MBD2: variants seen among roughly 807,000 people sequenced by gnomAD.
MBD2 encodes the protein methyl-CpG-binding domain protein 2.
Under a neutral mutation model 39.3 loss-of-function variants are expected in MBD2, and 9 were observed. The observed-to-expected ratio is 0.23, with a 90% CI of 0.14 to 0.40. The LOEUF (loss-of-function observed/expected upper bound fraction) is 0.40. Among genes scored for constraint, MBD2 ranks in the 10% least tolerant of loss-of-function variants. The pLI is 1.00. For synonymous variants in MBD2, 233 were observed against 211.1 expected (o/e 1.10, Z -0.90); for missense variants, 458 against 532.6 (o/e 0.86, Z 1.38).
chr18:54,164,741 A>G, intron 4 of MBD2, 41 bp from the exon 5 acceptor site: 1 of 1,539,002 alleles, frequency 6.5e-7, no homozygotes, highest in Non-Finnish European at 9.0e-7. Flanking sequence ...AAATGTCTCA[A>G]TGTGCTGAGC....
chr18:54,195,729 C>A (rs528449419), intron 2 of MBD2, among the ~76,000 whole-genome samples: 1 of 151,950 alleles, frequency 6.6e-6, no homozygotes, highest in East Asian at 1.9e-4. Flanking sequence ...AAGAAAAAAA[C>A]CAGCGCTTAG....
intron 1 of MBD2, among the ~76,000 whole-genome samples, chr18:54,223,231 C>T (rs2086630183): frequency 6.6e-6 from 1 of 152,230 alleles, no homozygotes. Context: ...TGCAAGATTA[C>T]ACTAAGGTGA....
At chr18:54,205,610 AAAGTTAAAGTTTTAC>A (rs2086443452) in intron 1 of MBD2, among the ~76,000 whole-genome samples, 1 of 151,308 alleles carries the variant, frequency 6.6e-6, no homozygotes, top group African/African-American at 2.4e-5. Context: ...AAAAAAAAAA[AAAGTTAAAGTTTTAC>A]AGGGAACTCC....
At chr18:54,180,628 GATAATT>G in intron 3 of MBD2, among the ~76,000 whole-genome samples, 1 of 151,996 alleles carries the variant, frequency 6.6e-6, no homozygotes, top group Middle Eastern at 3.4e-3. Flanking sequence ...GAAATATGAA[GATAATT>G]ATAAAGAGAT....
At chr18:54,165,041 T>C (rs1473224899) in intron 4 of MBD2, among the ~76,000 whole-genome samples, 6 of 152,228 alleles carry the variant, frequency 3.9e-5, no homozygotes, top group Non-Finnish European at 8.8e-5. Context: ...GTTGGCTATA[T>C]TTCCTCAAGC....
rs1211071727 is a variant in MBD2 at position 54,180,897 on chromosome 18, C to CTTT, written c.840+7974_840+7976dup. On this transcript the variant is annotated intron_variant, in intron 3 of 6. Transcript: ENST00000256429. Reference sequence around the variant, plus strand: ...CAGCCTATGTATTCCTTAATTTTTTCTTTTTCTTTTTTTTTTTTTTTTTTT... The same window carrying CTTT: ...CAGCCTATGTATTCCTTAATTTTTTCTTTTTTTTCTTTTTTTTTTTTTTTTTTT... Among the ~76,000 whole-genome samples the CTTT allele has an allele frequency of 1.6e-3, 164 of 105,336 alleles. 10 individuals are homozygous for CTTT. Among genetic ancestry groups the CTTT allele is most frequent in the East Asian group, 1.8e-3 (6 of 3,280 alleles). The allele number at this position is 105,336 out of a possible 152,430, so 69.1% of individuals were successfully genotyped here.
chr18:54,215,335 T>C (rs769691593), intron 1 of MBD2, among the ~76,000 whole-genome samples: 1 of 152,210 alleles, frequency 6.6e-6, no homozygotes, highest in Non-Finnish European at 1.5e-5. Context: ...ACATGTTTTT[T>C]GTATGTTCAC....
In MBD2 at chr18:54,165,770, G is replaced by A. The variant is rs16957881; in HGVS notation, c.931+306C>T. On this transcript the variant is annotated intron_variant, in intron 4 of 6. Transcript: ENST00000256429. ...CTTTGAGAAATTCTGTTACTCATCC[G>A]CATCCAGTGCTAAAAGCAGCACATG... is the stretch of plus-strand genomic sequence containing the variant. Among the ~76,000 whole-genome samples the A allele has an allele frequency of 6.4e-3, 972 of 152,318 alleles. 13 individuals are homozygous for A. Among genetic ancestry groups the A allele is most frequent in the African/African-American group, 0.022 (906 of 41,572 alleles).
At chr18:54,176,033 T>C (rs1038105865) in intron 3 of MBD2, among the ~76,000 whole-genome samples, 8 of 152,244 alleles carry the variant, frequency 5.3e-5, no homozygotes, top group African/African-American at 1.9e-4. Context: ...ACAGTGTTAA[T>C]GCCTTATAAA....
chr18:54,223,286 G>C (rs1417232061), intron 1 of MBD2, among the ~76,000 whole-genome samples: 4 of 152,184 alleles, frequency 2.6e-5, no homozygotes, highest in Admixed American at 2.6e-4. Flanking sequence ...CCTCAGCACA[G>C]GTGACAATTT....
chr18:54,157,940 C>T (rs1299176929), intron 6 of MBD2, among the ~76,000 whole-genome samples: 1 of 152,212 alleles, frequency 6.6e-6, no homozygotes, highest in East Asian at 1.9e-4. Flanking sequence ...TGTCAACATC[C>T]TCCTAAAGCC....
chr18:54,172,594 A>G (rs1041796781), intron 3 of MBD2, among the ~76,000 whole-genome samples: 1 of 152,162 alleles, frequency 6.6e-6, no homozygotes, highest in East Asian at 1.9e-4. Flanking sequence ...TTCATTAATC[A>G]TTATATCCAA....
chr18:54,199,399 C>G (rs997512834), intron 2 of MBD2, among the ~76,000 whole-genome samples: 1 of 152,202 alleles, frequency 6.6e-6, no homozygotes, highest in East Asian at 1.9e-4. Context: ...TCCTCTTACT[C>G]TCCACAAGAT....
chr18:54,156,992 A>C (rs1164912995), intron 6 of MBD2, among the ~76,000 whole-genome samples: 1 of 152,188 alleles, frequency 6.6e-6, no homozygotes, highest in Non-Finnish European at 1.5e-5. Context: ...GCTTTCTGAG[A>C]GTCCATTCCG....
chr18:54,208,133 C>G (rs559538018), intron 1 of MBD2, among the ~76,000 whole-genome samples: 1 of 152,044 alleles, frequency 6.6e-6, no homozygotes, highest in Non-Finnish European at 1.5e-5. Context: ...TATTGGTAAA[C>G]GACATTCTGA....
intron 5 of MBD2, among the ~76,000 whole-genome samples, chr18:54,161,850 T>G (rs969501029): frequency 2.1e-5 from 3 of 141,768 alleles, no homozygotes; most frequent in African/African-American, 8.0e-5. Context: ...CATGATTAGG[T>G]TACCAATCAA....
At chr18:54,168,598 T>TATATATATATATATATATATATATAC (rs1491141841) in intron 3 of MBD2, among the ~76,000 whole-genome samples, 14 of 136,018 alleles carry the variant, frequency 1.0e-4, no homozygotes, top group African/African-American at 3.6e-4. Context: ...TATATATATA[T>TATATATATATATATATATATATATAC]TTATGTATGC....
intron 1 of MBD2, among the ~76,000 whole-genome samples, chr18:54,207,738 C>T (rs1186562069): frequency 6.6e-6 from 1 of 152,170 alleles, no homozygotes; most frequent in Non-Finnish European, 1.5e-5. Flanking sequence ...CATTATGTCA[C>T]TTATAAAATG....
At chr18:54,216,308 TGCTG>T (rs1189835780) in intron 1 of MBD2, among the ~76,000 whole-genome samples, 6 of 152,262 alleles carry the variant, frequency 3.9e-5, no homozygotes, top group Admixed American at 3.3e-4. Context: ...CAAGGCAGGA[TGCTG>T]GTAACTGCAG....
Sources: allele counts gnomAD v4.1 joint callset (sites outside exome capture counted in the v4.1 genomes callset), GRCh38; gene constraint gnomAD v4.1.1; transcripts MANE v1.5; gene names NCBI Gene and HGNC (gene_info 2026-07-23, HGNC 2026-07-21).